The following USH2A variants were observed in gnomAD, a reference collection of about 807,000 sequenced individuals.
USH2A encodes the protein usherin.
USH2A carries 443 observed loss-of-function variants against 538.9 expected under a neutral mutation model. That is an observed-to-expected ratio of 0.82 (90% CI 0.76 to 0.89). The LOEUF (loss-of-function observed/expected upper bound fraction) is 0.89, where lower values mean the gene tolerates loss of function less well. USH2A is among the 40% of genes least tolerant of loss of function. The pLI is 0.00. For synonymous variants in USH2A, 2,413 were observed against 2,273.5 expected (o/e 1.06, Z -1.75); for missense variants, 6,633 against 6,324.8 (o/e 1.05, Z -1.65).
At chr1:216,217,583 A>T (rs773821664) in intron 14 of USH2A, 33 bp from the exon 15 acceptor site, 1 of 1,609,924 alleles carries the variant, frequency 6.2e-7, no homozygotes, top group Admixed American at 1.7e-5. Context: ...ATCAAAGAGA[A>T]TAGTGTTTTG....
At chr1:216,257,074 C>G (rs1431912186) in intron 11 of USH2A, among the ~76,000 whole-genome samples, 1 of 151,870 alleles carries the variant, frequency 6.6e-6, no homozygotes, top group Non-Finnish European at 1.5e-5. Flanking sequence ...AAAATTAAAT[C>G]ATTAGAAAAA....
intron 70 of USH2A, among the ~76,000 whole-genome samples, chr1:215,631,227 A>AGTGTGTGTGTGTGTGTGTGTGT (rs145355299): frequency 5.9e-4 from 88 of 148,544 alleles, no homozygotes; most frequent in African/African-American, 2.1e-3. Context: ...GAGGGGGAGA[A>AGTGTGTGTGTGTGTGTGTGTGT]GTGTGTGTGT....
intron 49 of USH2A, 88 bp from the exon 50 acceptor site, chr1:215,799,213 G>A: frequency 7.4e-7 from 1 of 1,350,470 alleles, no homozygotes; most frequent in African/African-American, 1.4e-5. Context: ...TCATCTTGCA[G>A]ATCCCAACTG....
Position 216,174,116 on chromosome 1 carries a change from C to G in USH2A, c.4627+1136G>C, listed in dbSNP as rs894202485. The G allele has an allele frequency of 2.0e-5, 20 of 985,120 alleles. No individual in the cohort carries two copies. In the African/African-American group the frequency reaches 3.1e-4, roughly 16 times the overall value. 61.0% of individuals were successfully genotyped at this position (985,120 alleles called of 1,614,324 possible). A position where few individuals can be genotyped will look rare whatever the true frequency, so the allele number is the denominator to read the frequency against. ...ATGATTCATTACCAAGGTGCATCAG[C>G]AGCCAGTCTCAATGAAAAGCAAACT... On this transcript the variant is annotated intron_variant, in intron 21 of 71. Coordinates refer to ENST00000307340, the MANE Select transcript of USH2A (RefSeq NM_206933.4).
At chr1:216,173,940 C>CTT (rs2034321892) in intron 21 of USH2A, 1 of 976,954 alleles carries the variant, frequency 1.0e-6, no homozygotes. Context: ...CCTTTTTTTT[C>CTT]TTTTCTTTTT....
At chr1:215,864,294 G>A (rs1267649170) in intron 44 of USH2A, among the ~76,000 whole-genome samples, 1 of 152,000 alleles carries the variant, frequency 6.6e-6, no homozygotes, top group African/African-American at 2.4e-5. Context: ...ACTATGGGCT[G>A]GTTTCTATCT....
intron 15 of USH2A, among the ~76,000 whole-genome samples, chr1:216,216,076 TA>T (rs1377491681): frequency 6.6e-6 from 1 of 152,122 alleles, no homozygotes. Flanking sequence ...TGACGATCCA[TA>T]ACTCATATCC....
At chr1:215,889,077 A>G (rs1218837565) in intron 40 of USH2A, 23 bp from the exon 41 acceptor site, 2 of 1,611,506 alleles carry the variant, frequency 1.2e-6, no homozygotes, top group African/African-American at 2.7e-5. Context: ...ATAAATCCAG[A>G]AAGTCAGACC....
rs2035815528 is a variant in USH2A, at chr1:216,236,319, A to C, written c.2810-4183T>G. On this transcript the variant is annotated intron_variant, in intron 13 of 71. Coordinates refer to ENST00000307340, the MANE Select transcript of USH2A (RefSeq NM_206933.4). Reference sequence around the variant, plus strand: ...AAGTTCCTAAGACCCCTCATCCTTCAAGAATTAATCATTTCCTTCACTTTA... The same window carrying C: ...AAGTTCCTAAGACCCCTCATCCTTCCAGAATTAATCATTTCCTTCACTTTA... 2.6e-5 allele frequency among the ~76,000 whole-genome samples: 4 copies of C among 152,172 alleles called. No individual in the cohort carries two copies. In the South Asian group the frequency reaches 8.3e-4, roughly 32 times the overall value.
Position 215,791,409 on chromosome 1 carries a change from C to G in USH2A, c.9959-1127G>C, listed in dbSNP as rs78431299. On this transcript the variant is annotated intron_variant, in intron 50 of 71. Transcript: ENST00000307340. Reference sequence around the variant, plus strand: ...AAACATCTACATTATTAAAGACACTCAAATAAAAGATCAAAAGTGCTTTTA... The same window carrying G: ...AAACATCTACATTATTAAAGACACTGAAATAAAAGATCAAAAGTGCTTTTA... Among the ~76,000 whole-genome samples, 100 of 152,146 alleles carry G rather than the reference C, an allele frequency of 6.6e-4. 1 individual carries two copies. The East Asian group carries it at 0.019, about 28-fold the overall frequency.
intron 4 of USH2A, among the ~76,000 whole-genome samples, chr1:216,330,455 T>C (rs1160001056): frequency 6.6e-6 from 1 of 151,894 alleles, no homozygotes; most frequent in Non-Finnish European, 1.5e-5. Context: ...GTCATACGTA[T>C]ATCTAGGGGC....
chr1:216,065,798 A>G (rs2031339735), intron 30 of USH2A, among the ~76,000 whole-genome samples: 1 of 152,068 alleles, frequency 6.6e-6, no homozygotes, highest in African/African-American at 2.4e-5. Flanking sequence ...TTGGGAGGCC[A>G]AGGCAGGAAA....
chr1:215,883,684 C>T (rs1345985871), intron 41 of USH2A, among the ~76,000 whole-genome samples: 1 of 152,074 alleles, frequency 6.6e-6, no homozygotes, highest in Non-Finnish European at 1.5e-5. Context: ...CAGATTCTAC[C>T]TACAATAAGT....
At chr1:216,307,721 T>C (rs943447297) in intron 9 of USH2A, among the ~76,000 whole-genome samples, 2 of 152,168 alleles carry the variant, frequency 1.3e-5, no homozygotes, top group African/African-American at 2.4e-5. Flanking sequence ...AAGTCAGAAA[T>C]GGTTTTCCTG....
intron 38 of USH2A, among the ~76,000 whole-genome samples, chr1:215,918,703 G>A (rs1261833907): frequency 6.6e-6 from 1 of 152,050 alleles, no homozygotes; most frequent in Non-Finnish European, 1.5e-5. Context: ...ACTGCTGAAA[G>A]ACTTCTAAGA....
intron 32 of USH2A, among the ~76,000 whole-genome samples, chr1:216,007,865 G>A (rs112910037): frequency 2.0e-5 from 3 of 152,198 alleles, no homozygotes; most frequent in African/African-American, 7.2e-5. Flanking sequence ...TAAGTTGCAT[G>A]GGAGTAAAGT....
At chr1:216,223,163 C>G (rs901911277) in intron 14 of USH2A, among the ~76,000 whole-genome samples, 35 of 152,064 alleles carry the variant, frequency 2.3e-4, no homozygotes, top group African/African-American at 7.7e-4. Context: ...TTTTAAGCCA[C>G]TGAGTTTGAG....
chr1:215,688,011 G>T (rs927580404), intron 61 of USH2A, among the ~76,000 whole-genome samples: 3 of 152,048 alleles, frequency 2.0e-5, no homozygotes, highest in African/African-American at 7.2e-5. Flanking sequence ...TGGAAATTGT[G>T]GTAAATTATG....
Position 215,624,445 on chromosome 1 carries a change from A to AAAG in USH2A, c.*1333_*1335dup, listed in dbSNP as rs1400579318. On this transcript the variant is annotated 3_prime_UTR_variant, in exon 72 of 72. Coordinates refer to ENST00000307340, the MANE Select transcript of USH2A (RefSeq NM_206933.4). ...CCTGTCTCTGGTTGTAGATTCACAAAAAGTATTGTGACTATTGTGTGTTAG... is the reference window on the plus strand; with the variant it reads ...CCTGTCTCTGGTTGTAGATTCACAAAAAGAAGTATTGTGACTATTGTGTGTTAG... 1.3e-5 allele frequency: 2 copies of AAAG among 152,188 alleles called. No homozygotes were observed. Among genetic ancestry groups the AAAG allele is most frequent in the Non-Finnish European group, 2.9e-5 (2 of 68,036 alleles). The allele number at this position is 152,188 out of a possible 1,614,324, so 9.4% of individuals were successfully genotyped here.
Sources: allele counts gnomAD v4.1 joint callset (sites outside exome capture counted in the v4.1 genomes callset), GRCh38; gene constraint gnomAD v4.1.1; transcripts MANE v1.5; gene names NCBI Gene and HGNC (gene_info 2026-07-23, HGNC 2026-07-21).